Variants in GSR observed in about 807,000 individuals in gnomAD.
GSR encodes the protein glutathione reductase, mitochondrial.
A neutral mutation model predicts 56.5 loss-of-function variants in GSR; 48 were observed. That is an observed-to-expected ratio of 0.85 (90% CI 0.67 to 1.08). The LOEUF is 1.08. GSR is among the 50% of genes least tolerant of loss of function. The pLI, the probability that GSR is intolerant of heterozygous loss-of-function variation, is 0.00. For synonymous variants in GSR, 264 were observed against 270.8 expected (o/e 0.97, Z 0.25); for missense variants, 694 against 703.3 (o/e 0.99, Z 0.15).
rs55702917 is a variant in GSR at position 30,700,723 on chromosome 8, CAAAA to C, written c.641-592_641-589del. 7.0e-3 allele frequency among the ~76,000 whole-genome samples: 558 copies of C among 80,040 alleles called. 10 individuals carry two copies. The highest frequency in any genetic ancestry group is 0.024 in the Middle Eastern group (3 of 126). 52.5% of individuals were successfully genotyped at this position (80,040 alleles called of 152,430 possible). A position where few individuals can be genotyped will look rare whatever the true frequency, so the allele number is the denominator to read the frequency against. On this transcript the variant is annotated intron_variant, in intron 5 of 12. Transcript: ENST00000221130. ...TGGGAACAGAGCAAGATTTTGTCTC[CAAAA>C]AAAAAAAAAAAAAAAAAAAAAAATC... is the stretch of plus-strand genomic sequence containing the variant.
intron 1 of GSR, among the ~76,000 whole-genome samples, chr8:30,717,017 C>G (rs960376966): frequency 6.6e-6 from 1 of 152,088 alleles, no homozygotes; most frequent in East Asian, 1.9e-4. Flanking sequence ...GCGGGCAGAT[C>G]ACCTGAGGTC....
intron 1 of GSR, among the ~76,000 whole-genome samples, chr8:30,718,509 C>G (rs1414654357): frequency 6.6e-6 from 1 of 152,188 alleles, no homozygotes. Context: ...ATTTCTGCGT[C>G]TGCTGGCTCC....
intron 1 of GSR, chr8:30,727,103 A>C (rs1208251995): frequency 1.2e-5 from 2 of 161,798 alleles, no homozygotes; most frequent in East Asian, 1.8e-4. Context: ...AAACGGGAGA[A>C]CCAGGATCTA....
chr8:30,692,908 G>C, intron 8 of GSR, 61 bp downstream of exon 8: 1 of 1,020,216 alleles, frequency 9.8e-7, no homozygotes, highest in Non-Finnish European at 1.6e-6. Context: ...ACTGGGCGAA[G>C]CCACAAGCAG....
chr8:30,712,716 T>C (rs902783692), intron 1 of GSR, among the ~76,000 whole-genome samples: 7 of 152,094 alleles, frequency 4.6e-5, no homozygotes, highest in African/African-American at 1.4e-4. Flanking sequence ...GGCTGAACAT[T>C]GAGATACTGG....
chr8:30,727,583 C>G lies in GSR; in HGVS notation c.253G>C (p.Glu85Gln). ...GGLASARRAAELGARAAVVES... is the reference protein window; with the variant it reads ...GGLASARRAAQLGARAAVVES... ...ACCACGGCGGCCCTGGCACCCAGCT[C>G]GGCCGCCCTGCGCGCGCTGGCCAGC... The change falls in exon 1 of 13, where the codon GAG becomes CAG. Residue 85 changes from glutamate to glutamine, a missense_variant. Physicochemically the swap from Glu to Gln is conservative, Grantham distance 29. Coordinates refer to ENST00000221130, the MANE Select transcript of GSR (RefSeq NM_000637.5). The G allele has an allele frequency of 2.0e-6, 3 of 1,531,522 alleles. No homozygotes were observed. Among genetic ancestry groups the G allele is most frequent in the South Asian group, 2.4e-5 (2 of 83,202 alleles). 94.9% of individuals were successfully genotyped at this position (1,531,522 alleles called of 1,614,324 possible). A position where few individuals can be genotyped will look rare whatever the true frequency, so the allele number is the denominator to read the frequency against.
intron 7 of GSR, among the ~76,000 whole-genome samples, chr8:30,695,294 G>C (rs1803508944): frequency 6.6e-6 from 1 of 152,054 alleles, no homozygotes. Flanking sequence ...GGAGTGCAGT[G>C]GTGCAATCTT....
chr8:30,725,739 G>C (rs749357559), intron 1 of GSR, among the ~76,000 whole-genome samples: 1 of 150,970 alleles, frequency 6.6e-6, no homozygotes. Flanking sequence ...AAAACTAGCC[G>C]GGCATGGTGG....
intron 7 of GSR, among the ~76,000 whole-genome samples, chr8:30,693,370 T>A (rs1803449561): frequency 6.6e-6 from 1 of 152,172 alleles, no homozygotes; most frequent in Non-Finnish European, 1.5e-5. Flanking sequence ...ACTTTTCGTA[T>A]CTCAAGGTCT....
At chr8:30,721,392 T>G (rs1804529907) in intron 1 of GSR, among the ~76,000 whole-genome samples, 1 of 152,252 alleles carries the variant, frequency 6.6e-6, no homozygotes, top group Admixed American at 6.5e-5. Context: ...GGTTCAGGCC[T>G]GTAATCCCAG....
At chr8:30,693,976 T>C (rs549881236) in intron 7 of GSR, among the ~76,000 whole-genome samples, 2 of 152,336 alleles carry the variant, frequency 1.3e-5, no homozygotes, top group Admixed American at 1.3e-4. Context: ...ACCCCCTTTA[T>C]TGACAGACTG....
In GSR at chr8:30,693,015, G is replaced by A. The variant is rs147574397; in HGVS notation, c.836C>T (p.Thr279Met). The A allele has an allele frequency of 6.0e-5, 96 of 1,612,388 alleles. 1 individual carries two copies. The highest frequency in any genetic ancestry group is 3.1e-4 in the East Asian group (14 of 44,852). Residue 279 changes from threonine to methionine, a missense_variant, in exon 8 of 13, where the codon ACG becomes ATG. Transcript: ENST00000221130. ...CACGCCAGCGTTCTCCAGCTCCTCC[G>A]TGCAGTTGGTGCTGATCATTGAATC... ...SFDSMISTNC[T>M]EELENAGVEV...
At chr8:30,724,113 T>C (rs1041826184) in intron 1 of GSR, among the ~76,000 whole-genome samples, 1 of 152,234 alleles carries the variant, frequency 6.6e-6, no homozygotes. Context: ...GGCTCACGCC[T>C]GTAATCCTAA....
intron 1 of GSR, among the ~76,000 whole-genome samples, chr8:30,714,758 C>T (rs749052861): frequency 2.6e-5 from 4 of 152,070 alleles, no homozygotes; most frequent in Admixed American, 2.0e-4. Context: ...GTCTTGAACT[C>T]CTGAGATCAA....
chr8:30,693,011 C>G lies in GSR; in HGVS notation c.840G>C (p.Glu280Asp). The G allele has an allele frequency of 6.2e-7, 1 of 1,613,154 alleles. No homozygotes were observed. Among genetic ancestry groups the G allele is most frequent in the Non-Finnish European group, 8.5e-7 (1 of 1,179,380 alleles). ...CCTCCACGCCAGCGTTCTCCAGCTC[C>G]TCCGTGCAGTTGGTGCTGATCATTG... Reference protein sequence around the residue: ...FDSMISTNCTEELENAGVEVL... With the variant: ...FDSMISTNCTDELENAGVEVL... Residue 280 changes from glutamate (E) to aspartate (D), a missense_variant, in exon 8 of 13, where the codon GAG becomes GAC. By Grantham distance (45) the Glu-to-Asp change is conservative (BLOSUM62 2). Transcript: ENST00000221130.
chr8:30,715,285 C>T (rs1239231951), intron 1 of GSR, among the ~76,000 whole-genome samples: 1 of 151,760 alleles, frequency 6.6e-6, no homozygotes, highest in African/African-American at 2.4e-5. Flanking sequence ...AGAGCCAGAC[C>T]CTACCTCTAA....
Position 30,678,078 on chromosome 8 carries a change from G to C in GSR, c.*1442C>G, listed in dbSNP as rs926261399. 14 of 152,056 alleles carry C rather than the reference G, an allele frequency of 9.2e-5. No homozygotes were observed. Among genetic ancestry groups the C allele is most frequent in the African/African-American group, 3.4e-4 (14 of 41,506 alleles). The allele number at this position is 152,056 out of a possible 1,614,324, so 9.4% of individuals were successfully genotyped here. A position where few individuals can be genotyped will look rare whatever the true frequency, so the allele number is the denominator to read the frequency against. ...GTAACAAATTTTATAAGAAGAAAAG[G>C]CTGTAATTTTATTTTCAAATTTTTG... On this transcript the variant is annotated 3_prime_UTR_variant, in exon 13 of 13. Transcript: ENST00000221130.
At chr8:30,709,924 A>AG (rs35272936) in intron 2 of GSR, 22 bp from the exon 3 acceptor site, 2 of 1,206,752 alleles carry the variant, frequency 1.7e-6, no homozygotes, top group East Asian at 4.7e-5. Flanking sequence ...AAAAAAAAAA[A>AG]GGATCCAAAA....
At chr8:30,681,076 A>T (rs748877835) in intron 11 of GSR, 39 bp from the exon 12 acceptor site, 1 of 1,527,014 alleles carries the variant, frequency 6.5e-7, no homozygotes, top group African/African-American at 1.4e-5. Context: ...TCAGAAAACT[A>T]AACAATTACA....
Sources: allele counts gnomAD v4.1 joint callset (sites outside exome capture counted in the v4.1 genomes callset), GRCh38; gene constraint gnomAD v4.1.1; transcripts MANE v1.5; gene names NCBI Gene and HGNC (gene_info 2026-07-23, HGNC 2026-07-21).